Variants in AKAP19 observed in about 807,000 individuals in gnomAD.
The protein encoded by AKAP19 is A-kinase anchoring protein 19, also known as small A-kinase anchoring protein.
the AKAP19 span, among the ~76,000 whole-genome samples, chr2:190,175,005 T>TAGA: frequency 7.3e-5 from 11 of 150,566 alleles, no homozygotes; most frequent in East Asian, 1.9e-4. Context: ...ATAGATTACA[T>TAGA]GGAGTACATA....
the AKAP19 span, among the ~76,000 whole-genome samples, chr2:189,940,435 A>G: frequency 3.5e-5 from 5 of 142,700 alleles, no homozygotes; most frequent in East Asian, 4.1e-4. Flanking sequence ...AACGGGGGGG[A>G]AAAAAAGAAA....
the AKAP19 span, among the ~76,000 whole-genome samples, chr2:190,119,648 G>C: frequency 6.6e-6 from 1 of 152,184 alleles, no homozygotes; most frequent in Non-Finnish European, 1.5e-5. Flanking sequence ...TTTCATGCTA[G>C]ACAAGAGCTG....
the AKAP19 span, among the ~76,000 whole-genome samples, chr2:190,151,423 A>T: frequency 6.6e-6 from 1 of 151,992 alleles, no homozygotes; most frequent in Non-Finnish European, 1.5e-5. Flanking sequence ...ATGTGTTTTC[A>T]TTGTTCAGCT....
chr2:189,909,050 A>T, the AKAP19 span, among the ~76,000 whole-genome samples: 3 of 152,100 alleles, frequency 2.0e-5, no homozygotes, highest in Non-Finnish European at 1.5e-5. Flanking sequence ...TGTTGGGTGC[A>T]TGTATATTTA....
the AKAP19 span, among the ~76,000 whole-genome samples, chr2:189,906,068 C>T: frequency 2.6e-5 from 4 of 151,966 alleles, no homozygotes; most frequent in African/African-American, 9.7e-5. Context: ...AACAGATTTA[C>T]CAAGCATTTA....
chr2:190,093,231 T>C, the AKAP19 span, among the ~76,000 whole-genome samples: 1 of 150,956 alleles, frequency 6.6e-6, no homozygotes, highest in Non-Finnish European at 1.5e-5. Context: ...GAGACCAGCC[T>C]GGCCAACATG....
the AKAP19 span, among the ~76,000 whole-genome samples, chr2:190,075,648 C>T: frequency 3.1e-4 from 47 of 152,240 alleles, 1 homozygote; most frequent in African/African-American, 1.1e-3. Context: ...ATTAATATAG[C>T]CACCCAGCTT....
the AKAP19 span, among the ~76,000 whole-genome samples, chr2:189,974,190 C>G: frequency 3.9e-5 from 6 of 152,134 alleles, no homozygotes; most frequent in Non-Finnish European, 5.9e-5. Flanking sequence ...TCTTTGTTCT[C>G]GTTGGTTTCA....
chr2:190,003,419 C>T, the AKAP19 span, among the ~76,000 whole-genome samples: 1 of 151,998 alleles, frequency 6.6e-6, no homozygotes, highest in Non-Finnish European at 1.5e-5. Flanking sequence ...CAAACTTTTG[C>T]ATTTATATGA....
At chr2:189,886,961 C>T in the AKAP19 span, among the ~76,000 whole-genome samples, 3 of 152,156 alleles carry the variant, frequency 2.0e-5, no homozygotes, top group Admixed American at 2.0e-4. Context: ...TGGAGATGAA[C>T]TCAATAAGAC....
At chr2:190,141,468 A>G in the AKAP19 span, among the ~76,000 whole-genome samples, 1 of 152,202 alleles carries the variant, frequency 6.6e-6, no homozygotes, top group South Asian at 2.1e-4. Flanking sequence ...AGGCCTCAGG[A>G]AACTTACAGT....
chr2:190,182,105 T>A, the AKAP19 span, among the ~76,000 whole-genome samples: 1 of 152,218 alleles, frequency 6.6e-6, no homozygotes, highest in Admixed American at 6.5e-5. Flanking sequence ...TATTATCTCC[T>A]CTGTAGCACT....
the AKAP19 span, among the ~76,000 whole-genome samples, chr2:189,925,604 T>C: frequency 6.6e-6 from 1 of 152,144 alleles, no homozygotes; most frequent in Non-Finnish European, 1.5e-5. Flanking sequence ...GGTATGAATC[T>C]CAGGAACAGT....
the AKAP19 span, among the ~76,000 whole-genome samples, chr2:189,883,191 A>G: frequency 4.0e-4 from 61 of 152,226 alleles, no homozygotes; most frequent in East Asian, 0.01. Context: ...CTGGGGTGGG[A>G]CTGAAAATTT....
the AKAP19 span, among the ~76,000 whole-genome samples, chr2:190,004,591 T>C: frequency 6.6e-6 from 1 of 152,182 alleles, no homozygotes; most frequent in Non-Finnish European, 1.5e-5. Context: ...TTATTTTTTT[T>C]TTTTGAGAGC....
chr2:190,163,007 C>T, the AKAP19 span, among the ~76,000 whole-genome samples: 3 of 152,086 alleles, frequency 2.0e-5, no homozygotes, highest in Non-Finnish European at 4.4e-5. Flanking sequence ...TATGAGTAAG[C>T]CTGTTTCAGG....
the AKAP19 span, among the ~76,000 whole-genome samples, chr2:189,883,075 A>G: frequency 6.6e-6 from 1 of 152,152 alleles, no homozygotes; most frequent in African/African-American, 2.4e-5. Flanking sequence ...GCTTTTAAAA[A>G]TTCTGTCCCA....
At chr2:190,004,762 G>C in the AKAP19 span, among the ~76,000 whole-genome samples, 1 of 152,186 alleles carries the variant, frequency 6.6e-6, no homozygotes, top group South Asian at 2.1e-4. Context: ...GAGCATTCTA[G>C]TGCAATCTTT....
the AKAP19 span, among the ~76,000 whole-genome samples, chr2:190,045,172 T>C: frequency 5.3e-5 from 8 of 152,204 alleles, no homozygotes; most frequent in Non-Finnish European, 8.8e-5. Flanking sequence ...GAGGCCCCTT[T>C]TGGGAGGTCC....
Sources: gnomAD v4.1 joint callset for allele counts (sites outside exome capture counted in the v4.1 genomes callset) on GRCh38, gnomAD v4.1.1 for gene constraint, MANE v1.5 for transcripts, NCBI Gene and HGNC (gene_info 2026-07-23, HGNC 2026-07-21) for gene names.